Variants in ATAD2 observed in about 807,000 individuals in gnomAD.
ATAD2 encodes ATPase family AAA domain-containing protein 2.
A neutral mutation model predicts 168.9 loss-of-function variants in ATAD2; 62 were observed. The observed-to-expected ratio is 0.37, with a 90% CI of 0.30 to 0.45. The LOEUF is 0.45. ATAD2 is among the 20% of genes least tolerant of loss of function. The pLI, the probability that ATAD2 is intolerant of heterozygous loss-of-function variation, is 1.00. For synonymous variants in ATAD2, 613 were observed against 571.6 expected (o/e 1.07, Z -1.03); for missense variants, 1,419 against 1,667.8 (o/e 0.85, Z 2.60).
chr8:123,368,186 G>A (rs780312468), intron 8 of ATAD2, among the ~76,000 whole-genome samples: 2 of 152,176 alleles, frequency 1.3e-5, no homozygotes, highest in African/African-American at 2.4e-5. Context: ...GGGAAGCTGA[G>A]GCGAGTGGAT....
rs1381634222 is a variant in ATAD2, at chr8:123,346,150, T to C, written c.2468A>G (p.Tyr823Cys). 2 of 1,612,692 alleles carry C rather than the reference T, an allele frequency of 1.2e-6. No individual in the cohort carries two copies. The highest frequency in any genetic ancestry group is 2.2e-5 in the East Asian group (1 of 44,752). ...AAAAAGAACAGGAATGTCTAATGTA[T>C]ATACAGTAAACTTTTCCAAAGCATG... ...VIHALEKFTV[Y>C]TLDIPVLFGV... The change falls in exon 18 of 28, where the codon TAT becomes TGT. Residue 823 changes from tyrosine to cysteine, a missense_variant. Tyr to Cys is a radical substitution (Grantham distance 194). Transcript: ENST00000287394.
Position 123,345,112 on chromosome 8 carries a change from G to A in ATAD2, c.2533-43C>T, listed in dbSNP as rs117906147. On this transcript the variant is annotated intron_variant, in intron 18 of 27. Coordinates refer to ENST00000287394, the MANE Select transcript of ATAD2 (RefSeq NM_014109.4). ...AAACAAATTCAGTTAGAGTCAGCAC[G>A]TTAATAATGCTAGTTCTATTAGTCT... is the stretch of plus-strand genomic sequence containing the variant. 9.2e-3 allele frequency: 13,907 copies of A among 1,512,244 alleles called. 88 individuals are homozygous for A. The highest frequency in any genetic ancestry group is 0.022 in the Middle Eastern group (126 of 5,704). The allele number at this position is 1,512,244 out of a possible 1,614,324, so 93.7% of individuals were successfully genotyped here. A position where few individuals can be genotyped will look rare whatever the true frequency, so the allele number is the denominator to read the frequency against.
chr8:123,339,255 A>G (rs1258271493), intron 20 of ATAD2, 56 bp downstream of exon 20: 3 of 1,381,064 alleles, frequency 2.2e-6, no homozygotes, highest in Non-Finnish European at 9.8e-7. Flanking sequence ...GCCATTAACT[A>G]TTTCATTCCT....
intron 8 of ATAD2, among the ~76,000 whole-genome samples, chr8:123,362,375 C>T (rs1828853936): frequency 6.7e-6 from 1 of 150,080 alleles, no homozygotes; most frequent in Non-Finnish European, 1.5e-5. Context: ...ATAATATTCA[C>T]ATTTGGGAGG....
At position 123,378,701 on chromosome 8, in the gene ATAD2, C is replaced by CAAAAAAAAA. The variant is rs71808201; in HGVS notation, c.320+1819_320+1827dup. Among the ~76,000 whole-genome samples the CAAAAAAAAA allele has an allele frequency of 1.1e-3, 79 of 72,898 alleles. 2 individuals are homozygous for CAAAAAAAAA. The highest frequency in any genetic ancestry group is 2.9e-3 in the African/African-American group (50 of 17,152). 47.8% of individuals were successfully genotyped at this position (72,898 alleles called of 152,430 possible). A position where few individuals can be genotyped will look rare whatever the true frequency, so the allele number is the denominator to read the frequency against. The stretch of plus-strand genomic sequence containing the variant: ...TGGGCAACAGAGCAAGACTGTGTCT[C>CAAAAAAAAA]AAAAAAAAAAAAAAAAAAAAAAAAT... On this transcript the variant is annotated intron_variant, in intron 2 of 27. Coordinates refer to ENST00000287394, the MANE Select transcript of ATAD2 (RefSeq NM_014109.4).
rs1272208774 is a variant in ATAD2 at position 123,369,976 on chromosome 8, T to A, written c.776A>T (p.Asp259Val). Residue 259 changes from aspartate (D) to valine (V), a missense_variant, in exon 7 of 28, where the codon GAT (aspartate) becomes GTT (valine). Around this residue, in one of 5 missense-constraint regions of ATAD2, gnomAD observed 419 missense variants for 423.5 expected, o/e 0.99. Coordinates refer to ENST00000287394, the MANE Select transcript of ATAD2 (RefSeq NM_014109.4). ...EDQEHEDDGE[D>V]EDDEDDDDDD... Reference sequence around the variant, plus strand: ...ATCATCATCATCTTCATCATCTTCATCTTCACCATCATCTTCATGTTCTTG... The same window carrying A: ...ATCATCATCATCTTCATCATCTTCAACTTCACCATCATCTTCATGTTCTTG... 2.5e-6 allele frequency: 4 copies of A among 1,584,736 alleles called. No homozygotes were observed. The highest frequency in any genetic ancestry group is 3.5e-6 in the Non-Finnish European group (4 of 1,156,024).
chr8:123,374,727 G>T (rs1472535882), intron 2 of ATAD2, among the ~76,000 whole-genome samples: 1 of 152,208 alleles, frequency 6.6e-6, no homozygotes, highest in Admixed American at 6.5e-5. Flanking sequence ...GCATGGCAGT[G>T]TTCCAAGGAA....
At chr8:123,336,572 TA>T (rs1554642360) in intron 21 of ATAD2, 40 bp from the exon 22 acceptor site, 1 of 1,440,954 alleles carries the variant, frequency 6.9e-7, no homozygotes, top group African/African-American at 1.5e-5. Context: ...AAATTAACTC[TA>T]AACATAACAT....
At chr8:123,340,320 G>T (rs1166435738) in intron 19 of ATAD2, among the ~76,000 whole-genome samples, 2 of 152,152 alleles carry the variant, frequency 1.3e-5, no homozygotes, top group Admixed American at 6.5e-5. Context: ...AGGCCAGAAG[G>T]TAAGTGTGGG....
chr8:123,344,650 A>G, intron 19 of ATAD2: 1 of 449,068 alleles, frequency 2.2e-6, no homozygotes, highest in South Asian at 2.2e-5. Context: ...CCCGGCATAT[A>G]ATACCATTTT....
chr8:123,373,788 CAAAAAAA>C (rs11285869), intron 2 of ATAD2, among the ~76,000 whole-genome samples: 1 of 72,870 alleles, frequency 1.4e-5, no homozygotes, highest in Admixed American at 1.6e-4. Flanking sequence ...CACCTCGCCT[CAAAAAAA>C]AAAAAAAAAA....
chr8:123,401,065 G>GACT, upstream of ATAD2: 1 of 1,573,460 alleles, frequency 6.4e-7, no homozygotes, highest in East Asian at 2.2e-5. Context: ...CCGAGACATC[G>GACT]ACTTTCTTGC....
At chr8:123,340,743 T>C (rs543110248) in intron 19 of ATAD2, among the ~76,000 whole-genome samples, 1 of 152,254 alleles carries the variant, frequency 6.6e-6, no homozygotes, top group African/African-American at 2.4e-5. Context: ...GTACCTAGAA[T>C]AAATAATTCA....
At position 123,339,329 on chromosome 8, in the gene ATAD2, T is replaced by C; in HGVS notation, c.2836A>G (p.Ile946Val). ...AACTAACCTGCTTTCTTTTTTGATA[T>C]AGGAGGCTTAGCAGCTTGTTTTAGA... ...LILKQAAKPP[I>V]SKKKAVLQAL... The change falls in exon 20 of 28, where the codon ATA (isoleucine) becomes GTA (valine). Residue 946 changes from isoleucine (I) to valine (V), a missense_variant. Ile to Val is a conservative substitution (Grantham distance 29). Around this residue, in one of 5 missense-constraint regions of ATAD2, gnomAD observed 545 missense variants for 724.9 expected, o/e 0.75. Transcript: ENST00000287394. The C allele has an allele frequency of 6.3e-7, 1 of 1,576,936 alleles. No homozygotes were observed. The highest frequency in any genetic ancestry group is 8.6e-7 in the Non-Finnish European group (1 of 1,160,760).
chr8:123,341,806 C>T (rs192044191), intron 19 of ATAD2, among the ~76,000 whole-genome samples: 36 of 152,290 alleles, frequency 2.4e-4, no homozygotes, highest in Non-Finnish European at 3.5e-4. Context: ...GTTGACTGTA[C>T]TGAAAGCGAC....
chr8:123,350,576 A>C (rs1350285658), intron 13 of ATAD2, among the ~76,000 whole-genome samples: 1 of 151,806 alleles, frequency 6.6e-6, no homozygotes, highest in Non-Finnish European at 1.5e-5. Flanking sequence ...CCTCCATGAC[A>C]TTTATTTGTT....
In ATAD2 at chr8:123,320,979, G is replaced by C. The variant is rs1827451816; in HGVS notation, c.*155C>G. On this transcript the variant is annotated 3_prime_UTR_variant, in exon 28 of 28. Coordinates refer to ENST00000287394, the MANE Select transcript of ATAD2 (RefSeq NM_014109.4). Reference sequence around the variant, plus strand: ...TTACACATGACATTTATCTTAATATGTACATAAATATCAGGAAAGTTTAAA... The same window carrying C: ...TTACACATGACATTTATCTTAATATCTACATAAATATCAGGAAAGTTTAAA... 3.0e-6 allele frequency: 2 copies of C among 659,480 alleles called. No homozygotes were observed. The highest frequency in any genetic ancestry group is 5.1e-6 in the Non-Finnish European group (2 of 392,630). 40.9% of individuals were successfully genotyped at this position (659,480 alleles called of 1,614,324 possible).
chr8:123,379,779 C>T (rs1298405432), intron 2 of ATAD2, among the ~76,000 whole-genome samples: 2 of 151,118 alleles, frequency 1.3e-5, no homozygotes, highest in Non-Finnish European at 2.9e-5. Context: ...CATATTGGCC[C>T]GGCTGGTCTC....
intron 17 of ATAD2, 89 bp downstream of exon 17, chr8:123,346,529 G>C: frequency 8.0e-7 from 1 of 1,255,644 alleles, no homozygotes; most frequent in Non-Finnish European, 1.1e-6. Context: ...AAGCAGATTG[G>C]TTAGCACTTT....
Sources: allele counts gnomAD v4.1 joint callset (sites outside exome capture counted in the v4.1 genomes callset), GRCh38; gene constraint gnomAD v4.1.1; regional missense constraint gnomAD v4.1.1; transcripts MANE v1.5; gene names NCBI Gene and HGNC (gene_info 2026-07-23, HGNC 2026-07-21).